CNTN4: variants seen among roughly 807,000 people sequenced by gnomAD.
CNTN4 encodes contactin-4.
A neutral mutation model predicts 122.5 loss-of-function variants in CNTN4; 77 were observed. The observed-to-expected ratio is 0.63, with a 90% CI of 0.52 to 0.76. The LOEUF (loss-of-function observed/expected upper bound fraction) is 0.76, where lower values mean the gene tolerates loss of function less well. Ranked by LOEUF, CNTN4 falls within the 30% of genes least tolerant of loss-of-function variation. CNTN4 has a pLI of 0.00. For missense variants in CNTN4, 1,256 were observed against 1,259.1 expected (o/e 1.00, Z 0.04); for synonymous variants, 512 against 447.0 (o/e 1.15, Z -1.83).
chr3:2,856,046 A>G (rs541585636), intron 7 of CNTN4, among the ~76,000 whole-genome samples: 2 of 152,322 alleles, frequency 1.3e-5, no homozygotes, highest in South Asian at 2.1e-4. Flanking sequence ...TTCTTTCTCA[A>G]CTAACACTTT....
At chr3:2,722,226 A>G (rs956318324) in intron 4 of CNTN4, among the ~76,000 whole-genome samples, 1 of 152,206 alleles carries the variant, frequency 6.6e-6, no homozygotes, top group African/African-American at 2.4e-5. Context: ...TCAACAAGCT[A>G]TGTAAATTAC....
At chr3:2,919,788 G>T (rs904833860) in intron 12 of CNTN4, among the ~76,000 whole-genome samples, 1 of 152,090 alleles carries the variant, frequency 6.6e-6, no homozygotes, top group Non-Finnish European at 1.5e-5. Flanking sequence ...TGGATAGGAT[G>T]GGTCAAAGGA....
rs369657660 is a variant in CNTN4 at position 2,326,692 on chromosome 3, A to G, written c.-144-12486A>G. 1.0e-3 allele frequency among the ~76,000 whole-genome samples: 157 copies of G among 152,318 alleles called. 1 individual carries two copies. Among genetic ancestry groups the G allele is most frequent in the African/African-American group, 3.6e-3 (150 of 41,580 alleles). On this transcript the variant is annotated intron_variant, in intron 2 of 24. Transcript: ENST00000418658. ...ATGCCTTACAAGGACAGAATAGGGA[A>G]ATAGGTTTTACTTGAAGCAAGAATA... is the stretch of plus-strand genomic sequence containing the variant.
At chr3:2,316,343 C>T (rs1233981171) in intron 2 of CNTN4, among the ~76,000 whole-genome samples, 1 of 151,888 alleles carries the variant, frequency 6.6e-6, no homozygotes, top group African/African-American at 2.4e-5. Flanking sequence ...GGCATTTCCC[C>T]CCACTGATCT....
At chr3:2,327,891 C>G (rs894736576) in intron 2 of CNTN4, among the ~76,000 whole-genome samples, 1 of 152,096 alleles carries the variant, frequency 6.6e-6, no homozygotes, top group African/African-American at 2.4e-5. Flanking sequence ...GAGGAAACAG[C>G]CAAAGCAGAC....
At chr3:2,521,343 T>TCACC (rs781282977) in intron 3 of CNTN4, among the ~76,000 whole-genome samples, 1 of 128,310 alleles carries the variant, frequency 7.8e-6, no homozygotes, top group Non-Finnish European at 1.6e-5. Context: ...CCTCTACCCA[T>TCACC]CCCCCCCACC....
chr3:2,547,795 T>G (rs1418325551), intron 3 of CNTN4, among the ~76,000 whole-genome samples: 1 of 152,150 alleles, frequency 6.6e-6, no homozygotes, highest in African/African-American at 2.4e-5. Context: ...CATTTATCTT[T>G]AAGTCCAAAG....
chr3:2,842,023 A>G (rs1406404430), intron 7 of CNTN4, among the ~76,000 whole-genome samples: 3 of 152,208 alleles, frequency 2.0e-5, no homozygotes, highest in Non-Finnish European at 4.4e-5. Flanking sequence ...ATGTTATTGA[A>G]GAGAAAATAT....
chr3:2,729,410 T>C (rs1015133360), intron 4 of CNTN4, among the ~76,000 whole-genome samples: 5 of 150,198 alleles, frequency 3.3e-5, no homozygotes, highest in Non-Finnish European at 5.9e-5. Context: ...CCGGGCGTGG[T>C]GGCAGGCGCC....
At chr3:2,520,518 C>T (rs1241791128) in intron 3 of CNTN4, among the ~76,000 whole-genome samples, 1 of 151,944 alleles carries the variant, frequency 6.6e-6, no homozygotes, top group Non-Finnish European at 1.5e-5. Flanking sequence ...TGGTGATCCA[C>T]CTACCTCTGC....
At chr3:2,971,892 C>T (rs142048679) in intron 13 of CNTN4, among the ~76,000 whole-genome samples, 1 of 152,238 alleles carries the variant, frequency 6.6e-6, no homozygotes, top group Non-Finnish European at 1.5e-5. Context: ...CTCTCATAGC[C>T]ACATTTTCGG....
chr3:2,191,005 A>T (rs1019782469), intron 2 of CNTN4, among the ~76,000 whole-genome samples: 1 of 152,264 alleles, frequency 6.6e-6, no homozygotes, highest in South Asian at 2.1e-4. Flanking sequence ...TGAGTTTTCA[A>T]GGAATTTTTC....
intron 2 of CNTN4, among the ~76,000 whole-genome samples, chr3:2,159,236 T>C (rs1225419029): frequency 6.6e-6 from 1 of 152,184 alleles, no homozygotes; most frequent in East Asian, 1.9e-4. Flanking sequence ...CACATTGCTC[T>C]CTTAAGTATT....
At chr3:3,011,773 C>T (rs773184407) in intron 14 of CNTN4, among the ~76,000 whole-genome samples, 1 of 152,090 alleles carries the variant, frequency 6.6e-6, no homozygotes, top group Non-Finnish European at 1.5e-5. Context: ...GCGTCTTCCT[C>T]TCACTAAATT....
chr3:3,048,034 CT>C (rs1233597679), intron 23 of CNTN4, among the ~76,000 whole-genome samples: 1 of 152,178 alleles, frequency 6.6e-6, no homozygotes, highest in Non-Finnish European at 1.5e-5. Flanking sequence ...AGCTCAGTCA[CT>C]CCCCCTTCTT....
chr3:2,527,409 ATGCTGC>A (rs34099392), intron 3 of CNTN4, among the ~76,000 whole-genome samples: 4 of 149,942 alleles, frequency 2.7e-5, no homozygotes, highest in African/African-American at 7.4e-5. Flanking sequence ...GGAACAATGT[ATGCTGC>A]TGCTGCTGCT....
intron 2 of CNTN4, among the ~76,000 whole-genome samples, chr3:2,135,521 A>ATTGT: frequency 6.6e-6 from 1 of 151,640 alleles, no homozygotes; most frequent in African/African-American, 2.4e-5. Flanking sequence ...GTAGTACAGA[A>ATTGT]CTTTAGACTT....
At chr3:2,538,228 T>TA (rs1424519682) in intron 3 of CNTN4, among the ~76,000 whole-genome samples, 3 of 152,124 alleles carry the variant, frequency 2.0e-5, no homozygotes, top group Admixed American at 1.3e-4. Context: ...GACCTTTTCC[T>TA]AGTGCCTTCA....
At chr3:2,511,513 T>G (rs75049476) in intron 3 of CNTN4, 179 of 152,366 alleles carry the variant, frequency 1.2e-3, no homozygotes, top group African/African-American at 4.1e-3. Flanking sequence ...CGGAGAGCAG[T>G]TCAGCATCTC....
Sources: gnomAD v4.1 joint callset for allele counts (sites outside exome capture counted in the v4.1 genomes callset) on GRCh38, gnomAD v4.1.1 for gene constraint, MANE v1.5 for transcripts, NCBI Gene and HGNC (gene_info 2026-07-23, HGNC 2026-07-21) for gene names.